Variants in FAM184A observed in about 807,000 individuals in gnomAD.
FAM184A encodes the protein protein FAM184A.
FAM184A carries 99 observed loss-of-function variants against 143.8 expected under a neutral mutation model. That is an observed-to-expected ratio of 0.69 (90% CI 0.58 to 0.81). The LOEUF is 0.81. Among genes scored for constraint, FAM184A ranks in the 40% least tolerant of loss-of-function variants. The pLI is 0.00. For missense variants in FAM184A, 1,217 were observed against 1,310.5 expected, an observed-to-expected ratio of 0.93 and a Z score of 1.10; for synonymous variants, 427 against 446.4, an observed-to-expected ratio of 0.96 and a Z score of 0.55.
At chr6:118,969,154 T>A (rs1783591714) in intron 14 of FAM184A, among the ~76,000 whole-genome samples, 1 of 152,192 alleles carries the variant, frequency 6.6e-6, no homozygotes, top group Non-Finnish European at 1.5e-5. Context: ...TGTCACCATG[T>A]GAATAAGGAT....
At chr6:118,992,057 C>T (rs1784398436) in intron 9 of FAM184A, among the ~76,000 whole-genome samples, 1 of 151,912 alleles carries the variant, frequency 6.6e-6, no homozygotes, top group Non-Finnish European at 1.5e-5. Flanking sequence ...AGCCAGCGCA[C>T]CCAGCCTCCC....
At chr6:119,099,123 C>A (rs1243891815) in intron 1 of FAM184A, among the ~76,000 whole-genome samples, 1 of 152,100 alleles carries the variant, frequency 6.6e-6, no homozygotes, top group Non-Finnish European at 1.5e-5. Flanking sequence ...GAAAACAAAA[C>A]AAAATAAAAC....
At chr6:119,125,257 T>C (rs1789327018) in intron 1 of FAM184A, among the ~76,000 whole-genome samples, 1 of 152,168 alleles carries the variant, frequency 6.6e-6, no homozygotes, top group Non-Finnish European at 1.5e-5. Flanking sequence ...TTTCAGCAAG[T>C]CCAATAACAA....
At chr6:119,120,815 TCTTTCTTTCTTC>T (rs1186878156) in intron 1 of FAM184A, among the ~76,000 whole-genome samples, 67 of 147,740 alleles carry the variant, frequency 4.5e-4, no homozygotes, top group Non-Finnish European at 5.9e-5. Context: ...TCTCTTTCTT[TCTTTCTTTCTTC>T]CTTTCTTTCT....
At chr6:119,125,208 A>G (rs555345286) in intron 1 of FAM184A, among the ~76,000 whole-genome samples, 48 of 152,224 alleles carry the variant, frequency 3.2e-4, no homozygotes, top group Non-Finnish European at 6.2e-4. Context: ...TTATTAATCA[A>G]TCAACATATG....
intron 1 of FAM184A, among the ~76,000 whole-genome samples, chr6:119,124,239 G>A (rs1287877561): frequency 1.3e-5 from 2 of 152,060 alleles, no homozygotes; most frequent in Non-Finnish European, 2.9e-5. Context: ...TTAAATTCTG[G>A]CAGCATTGCT....
intron 1 of FAM184A, among the ~76,000 whole-genome samples, chr6:119,121,436 C>A (rs1789209842): frequency 6.6e-6 from 1 of 152,172 alleles, no homozygotes; most frequent in African/African-American, 2.4e-5. Context: ...CGTGCCTGGC[C>A]TTTTAAAATT....
At chr6:118,962,132 G>T (rs1397737092) in intron 16 of FAM184A, 169 bp from the exon 17 acceptor site, 1 of 627,064 alleles carries the variant, frequency 1.6e-6, no homozygotes, top group Non-Finnish European at 2.8e-6. Context: ...ATCCTTGGAG[G>T]TATTTTTTAT....
At chr6:119,070,732 G>A (rs1333177115) in intron 1 of FAM184A, among the ~76,000 whole-genome samples, 1 of 151,888 alleles carries the variant, frequency 6.6e-6, no homozygotes, top group African/African-American at 2.4e-5. Context: ...CCAAAAAAGG[G>A]ACATGGGGCA....
intron 1 of FAM184A, among the ~76,000 whole-genome samples, chr6:119,137,001 T>C (rs145249712): frequency 6.6e-6 from 1 of 152,374 alleles, no homozygotes; most frequent in African/African-American, 2.4e-5. Context: ...TTAATTTTGC[T>C]GTAATCTTCT....
chr6:119,024,855 A>G (rs147961166), intron 1 of FAM184A, 42 bp from the exon 2 acceptor site: 1 of 1,490,956 alleles, frequency 6.7e-7, no homozygotes, highest in Non-Finnish European at 9.0e-7. Flanking sequence ...TTGTGAATCC[A>G]TATTATTTTC....
At chr6:119,035,063 T>TA (rs1562483139) in intron 1 of FAM184A, among the ~76,000 whole-genome samples, 1 of 152,142 alleles carries the variant, frequency 6.6e-6, no homozygotes, top group East Asian at 1.9e-4. Context: ...AGGTCAGAAT[T>TA]AGACTGTTCA....
chr6:119,092,924 C>T (rs1466753126), intron 1 of FAM184A, among the ~76,000 whole-genome samples: 1 of 152,174 alleles, frequency 6.6e-6, no homozygotes, highest in Non-Finnish European at 1.5e-5. Context: ...CTCCTGGGAA[C>T]ATGAAGATCT....
At chr6:119,122,765 T>C (rs924474026) in intron 1 of FAM184A, among the ~76,000 whole-genome samples, 1 of 150,618 alleles carries the variant, frequency 6.6e-6, no homozygotes, top group African/African-American at 2.4e-5. Context: ...CTACAAAAAA[T>C]ACAAAAATTA....
chr6:119,138,321 C>T lies in FAM184A; in HGVS notation c.-202+10757G>A, dbSNP rs556432350. Among the ~76,000 whole-genome samples, 13 of 152,190 alleles carry T rather than the reference C, an allele frequency of 8.5e-5. No homozygotes were observed. In the South Asian group the frequency reaches 2.1e-3, roughly 24 times the overall value. The stretch of plus-strand genomic sequence containing the variant: ...TCCTGCTGCTGCTATAACAAATTAC[C>T]GCAAACTTGGATTAAAACAGCACCA... On this transcript the variant is annotated intron_variant, in intron 1 of 16. Transcript: ENST00000352896.
At chr6:119,140,708 A>T (rs1772204954) in intron 1 of FAM184A, among the ~76,000 whole-genome samples, 1 of 152,162 alleles carries the variant, frequency 6.6e-6, no homozygotes, top group Non-Finnish European at 1.5e-5. Context: ...TCTGCCAGAA[A>T]TTGAGTCTCC....
chr6:119,087,560 G>A (rs1454076283), intron 1 of FAM184A, among the ~76,000 whole-genome samples: 1 of 152,088 alleles, frequency 6.6e-6, no homozygotes, highest in African/African-American at 2.4e-5. Flanking sequence ...CATTAGAATG[G>A]CTGCTATCAA....
intron 9 of FAM184A, among the ~76,000 whole-genome samples, chr6:118,989,048 G>A (rs1351068081): frequency 2.1e-5 from 3 of 141,050 alleles, no homozygotes; most frequent in South Asian, 2.3e-4. Context: ...TGCAAGCTCC[G>A]CCTCCCGGGT....
chr6:119,092,764 G>C (rs73533303), intron 1 of FAM184A, among the ~76,000 whole-genome samples: 12,930 of 152,144 alleles, frequency 0.085, 1,193 homozygotes, highest in African/African-American at 0.23. Context: ...ATTGGGTTCT[G>C]GGTCTGATAA....
Sources: allele counts gnomAD v4.1 joint callset (sites outside exome capture counted in the v4.1 genomes callset), GRCh38; gene constraint gnomAD v4.1.1; transcripts MANE v1.5; gene names NCBI Gene and HGNC (gene_info 2026-07-23, HGNC 2026-07-21).